The following PTPRD variants were observed in gnomAD, a reference collection of about 807,000 sequenced individuals.
PTPRD encodes the protein protein tyrosine phosphatase receptor type D, also known as receptor-type tyrosine-protein phosphatase delta.
A neutral mutation model predicts 214.5 loss-of-function variants in PTPRD; 34 were observed. The observed-to-expected ratio is 0.16, with a 90% CI of 0.12 to 0.21. The LOEUF is 0.21. Among genes scored for constraint, PTPRD ranks in the 10% least tolerant of loss-of-function variants. PTPRD has a pLI of 1.00. For synonymous variants in PTPRD, 1,128 were observed against 845.7 expected (o/e 1.33, Z -5.79); for missense variants, 2,545 against 2,398.7 (o/e 1.06, Z -1.27).
intron 3 of PTPRD, among the ~76,000 whole-genome samples, chr9:10,209,887 T>C (rs1404823625): frequency 1.3e-5 from 2 of 152,126 alleles, no homozygotes; most frequent in East Asian, 3.9e-4. Flanking sequence ...AGGCCAGAAA[T>C]AATGTAAATC....
At chr9:10,595,772 T>C (rs2076492562) in intron 2 of PTPRD, among the ~76,000 whole-genome samples, 1 of 151,734 alleles carries the variant, frequency 6.6e-6, no homozygotes, top group South Asian at 2.1e-4. Flanking sequence ...TCTAACACTT[T>C]ACTAGTGGGG....
At chr9:10,109,357 G>C (rs1397172856) in intron 3 of PTPRD, among the ~76,000 whole-genome samples, 1 of 152,104 alleles carries the variant, frequency 6.6e-6, no homozygotes, top group Non-Finnish European at 1.5e-5. Flanking sequence ...AGATATTTTG[G>C]GGAACAAAGT....
chr9:9,576,846 A>G (rs2089023496), intron 7 of PTPRD, among the ~76,000 whole-genome samples: 1 of 152,180 alleles, frequency 6.6e-6, no homozygotes, highest in Non-Finnish European at 1.5e-5. Flanking sequence ...TCCTGCAGGC[A>G]CTGTGTTGCA....
chr9:9,832,533 G>A (rs1297611489), intron 5 of PTPRD, among the ~76,000 whole-genome samples: 2 of 151,824 alleles, frequency 1.3e-5, no homozygotes, highest in Non-Finnish European at 2.9e-5. Flanking sequence ...TCCCTCATCC[G>A]ACAAAAATGT....
intron 36 of PTPRD, among the ~76,000 whole-genome samples, chr9:8,403,755 T>C (rs917992880): frequency 1.3e-5 from 2 of 152,184 alleles, no homozygotes; most frequent in African/African-American, 4.8e-5. Flanking sequence ...ATTAGACATT[T>C]CCAACATACT....
chr9:10,365,200 C>T lies in PTPRD; in HGVS notation c.-599-24183G>A, dbSNP rs142968207. On this transcript the variant is annotated intron_variant, in intron 2 of 45. Coordinates refer to ENST00000381196, the MANE Select transcript of PTPRD (RefSeq NM_002839.4). Reference sequence around the variant, plus strand: ...ATTATTCTTTGATACTCTCCTCAGACAGGCTTTTTAAAACCACATACAGTC... The same window carrying T: ...ATTATTCTTTGATACTCTCCTCAGATAGGCTTTTTAAAACCACATACAGTC... Among the ~76,000 whole-genome samples, 895 of 152,290 alleles carry T rather than the reference C, an allele frequency of 5.9e-3. 12 individuals are homozygous for T. Among genetic ancestry groups the T allele is most frequent in the African/African-American group, 0.02 (836 of 41,564 alleles).
chr9:9,618,519 T>G (rs1219819216), intron 7 of PTPRD, among the ~76,000 whole-genome samples: 1 of 151,818 alleles, frequency 6.6e-6, no homozygotes. Flanking sequence ...CAGATGGAAG[T>G]GATATTAGGA....
chr9:8,578,413 A>AAATCAT (rs1355136246), intron 14 of PTPRD, among the ~76,000 whole-genome samples: 11 of 118,882 alleles, frequency 9.3e-5, no homozygotes, highest in South Asian at 5.3e-4. Context: ...TGCCCTTCAT[A>AAATCAT]AAACATTTCG....
chr9:10,394,087 C>G (rs1415354842), intron 2 of PTPRD, among the ~76,000 whole-genome samples: 1 of 141,578 alleles, frequency 7.1e-6, no homozygotes, highest in Non-Finnish European at 1.5e-5. Context: ...GAGAGAGAAA[C>G]ATATCTATCT....
Position 9,858,058 on chromosome 9 carries a change from T to C in PTPRD, c.-368+80449A>G, listed in dbSNP as rs148772950. On this transcript the variant is annotated intron_variant, in intron 5 of 45. Transcript: ENST00000381196. ...CTCCTTAACACCAATCAGAACTTGATACTCTTTTCCTTTAACCAGACATTC... is the reference window on the plus strand; with the variant it reads ...CTCCTTAACACCAATCAGAACTTGACACTCTTTTCCTTTAACCAGACATTC... Among the ~76,000 whole-genome samples, 1,421 of 152,314 alleles carry C rather than the reference T, an allele frequency of 9.3e-3. 11 individuals are homozygous for C. The highest frequency in any genetic ancestry group is 0.016 in the Admixed American group (247 of 15,288).
In PTPRD at chr9:10,019,959, T is replaced by C. The variant is rs192906951; in HGVS notation, c.-472+13759A>G. Among the ~76,000 whole-genome samples, 13 of 152,254 alleles carry C rather than the reference T, an allele frequency of 8.5e-5. No homozygotes were observed. The East Asian group carries it at 2.5e-3, about 29-fold the overall frequency. The stretch of plus-strand genomic sequence containing the variant: ...AAATTATAGTGCTTTCTTAGTGGCA[T>C]TGTGAGTTAATTCATATACAGGTTA... On this transcript the variant is annotated intron_variant, in intron 4 of 45. Transcript: ENST00000381196.
intron 23 of PTPRD, among the ~76,000 whole-genome samples, chr9:8,502,186 C>G (rs1003486665): frequency 6.6e-6 from 1 of 152,020 alleles, no homozygotes; most frequent in African/African-American, 2.4e-5. Context: ...CAATAAAAGA[C>G]AGCACAATTA....
intron 5 of PTPRD, among the ~76,000 whole-genome samples, chr9:9,786,741 G>A (rs1411377292): frequency 2.0e-5 from 3 of 152,084 alleles, no homozygotes; most frequent in African/African-American, 4.8e-5. Context: ...CCTGCATGTT[G>A]TGCACATGTA....
chr9:8,866,674 A>G (rs1354166819), intron 11 of PTPRD, among the ~76,000 whole-genome samples: 1 of 152,166 alleles, frequency 6.6e-6, no homozygotes, highest in East Asian at 1.9e-4. Context: ...AAATTCCAGC[A>G]TTGTCTGGAT....
chr9:10,608,928 A>G (rs940113255), intron 2 of PTPRD, among the ~76,000 whole-genome samples: 1 of 152,140 alleles, frequency 6.6e-6, no homozygotes, highest in African/African-American at 2.4e-5. Context: ...TAAAAAAATA[A>G]AACAGTGAAC....
At chr9:9,487,289 C>T (rs914810487) in intron 8 of PTPRD, among the ~76,000 whole-genome samples, 1 of 151,926 alleles carries the variant, frequency 6.6e-6, no homozygotes, top group Middle Eastern at 3.4e-3. Flanking sequence ...CAATTCCCAC[C>T]TATGAGTGAG....
intron 2 of PTPRD, among the ~76,000 whole-genome samples, chr9:10,513,497 T>C (rs372460659): frequency 4.6e-5 from 7 of 152,122 alleles, no homozygotes; most frequent in African/African-American, 1.7e-4. Flanking sequence ...GCAATGGCAA[T>C]TGCAAGCATA....
At chr9:9,760,974 C>T (rs1230227345) in intron 6 of PTPRD, among the ~76,000 whole-genome samples, 2 of 152,156 alleles carry the variant, frequency 1.3e-5, no homozygotes, top group Non-Finnish European at 2.9e-5. Flanking sequence ...GGTACAGCTA[C>T]ACTGAAAAAC....
At chr9:9,990,937 CTT>C (rs5896359) in intron 4 of PTPRD, among the ~76,000 whole-genome samples, 1 of 141,640 alleles carries the variant, frequency 7.1e-6, no homozygotes, top group Non-Finnish European at 1.5e-5. Context: ...GTAAAATAGT[CTT>C]TTTTTTTTTT....
Sources: gnomAD v4.1 joint callset for allele counts (sites outside exome capture counted in the v4.1 genomes callset) on GRCh38, gnomAD v4.1.1 for gene constraint, MANE v1.5 for transcripts, NCBI Gene and HGNC (gene_info 2026-07-23, HGNC 2026-07-21) for gene names.